WBP11: variants seen among roughly 807,000 people sequenced by gnomAD.
The protein encoded by WBP11 is WW domain-binding protein 11.
In WBP11, 12 loss-of-function variants were observed where a neutral mutation model predicts 66.7. The observed-to-expected ratio is 0.18, with a 90% confidence interval of 0.12 to 0.29. The LOEUF (loss-of-function observed/expected upper bound fraction) is 0.29, where lower values mean the gene tolerates loss of function less well. WBP11 is among the 10% of genes least tolerant of loss of function. The pLI is 1.00. For synonymous variants in WBP11, 255 were observed against 273.8 expected (o/e 0.93, Z 0.68); for missense variants, 555 against 818.3 (o/e 0.68, Z 3.93).
At chr12:14,801,714 G>T (rs1949965868) in intron 1 of WBP11, among the ~76,000 whole-genome samples, 1 of 152,170 alleles carries the variant, frequency 6.6e-6, no homozygotes, top group Non-Finnish European at 1.5e-5. Flanking sequence ...CACTGACTTT[G>T]TCAACTGATA....
In WBP11 at chr12:14,794,645, C is replaced by G; in HGVS notation, c.613G>C (p.Gly205Arg). ...PGRKPPGPPPGPPPPQVVQMY... is the reference protein window; with the variant it reads ...PGRKPPGPPPRPPPPQVVQMY... ...TGCACGACTTGAGGAGGAGGTGGAC[C>G]AGGGGGAGGGCCAGGAGGTTTTCTG... The change falls in exon 7 of 12, where the codon GGT (glycine) becomes CGT (arginine). Residue 205 changes from glycine to arginine, a missense_variant. Physicochemically the swap from Gly to Arg is moderately radical, Grantham distance 125 (BLOSUM62 -2). Transcript: ENST00000261167. The G allele has an allele frequency of 6.2e-7, 1 of 1,613,566 alleles. No homozygotes were observed. Among genetic ancestry groups the G allele is most frequent in the South Asian group, 1.1e-5 (1 of 91,058 alleles).
Position 14,792,083 on chromosome 12 carries a change from A to G in WBP11, c.914-813T>C, listed in dbSNP as rs374457870. On this transcript the variant is annotated intron_variant, in intron 8 of 11. Transcript: ENST00000261167. ...CATCAAAATCTCAGAAATCACCATT[A>G]AAGAACTCATCCATGTAACCAAACA... Among the ~76,000 whole-genome samples the G allele has an allele frequency of 2.6e-5, 4 of 152,264 alleles. No individual in the cohort carries two copies. The East Asian group carries it at 5.8e-4, about 22-fold the overall frequency.
At chr12:14,791,618 A>G (rs1949823001) in intron 8 of WBP11, among the ~76,000 whole-genome samples, 1 of 152,230 alleles carries the variant, frequency 6.6e-6, no homozygotes, top group Non-Finnish European at 1.5e-5. Flanking sequence ...AATGTTACCC[A>G]ACTCATGAAA....
rs1461598482 is a variant in WBP11 at position 14,786,834 on chromosome 12, G to C, written c.*231C>G. On this transcript the variant is annotated 3_prime_UTR_variant, in exon 12 of 12. Transcript: ENST00000261167. ...AGAAACAGGGTGAAAATGGTGGTATGAAAGGGAATGGATGTTAGCAGCACT... is the reference window on the plus strand; with the variant it reads ...AGAAACAGGGTGAAAATGGTGGTATCAAAGGGAATGGATGTTAGCAGCACT... 9.3e-6 allele frequency: 4 copies of C among 432,172 alleles called. No individual in the cohort carries two copies. In the South Asian group the frequency reaches 1.9e-4, roughly 20 times the overall value. 26.8% of individuals were successfully genotyped at this position (432,172 alleles called of 1,614,324 possible).
chr12:14,789,448 G>A (rs959134690), intron 10 of WBP11, among the ~76,000 whole-genome samples: 2 of 152,120 alleles, frequency 1.3e-5, no homozygotes, highest in Non-Finnish European at 2.9e-5. Flanking sequence ...AGCCGGGCAT[G>A]GTGGCAGACA....
At chr12:14,792,087 A>G (rs544383313) in intron 8 of WBP11, among the ~76,000 whole-genome samples, 1 of 152,280 alleles carries the variant, frequency 6.6e-6, no homozygotes, top group South Asian at 2.1e-4. Flanking sequence ...ACCATTAAAG[A>G]ACTCATCCAT....
intron 10 of WBP11, among the ~76,000 whole-genome samples, chr12:14,789,912 G>A (rs1286162760): frequency 6.6e-6 from 1 of 152,166 alleles, no homozygotes; most frequent in African/African-American, 2.4e-5. Flanking sequence ...TAGGATGAAG[G>A]ACTAAAATCA....
At chr12:14,797,257 A>G (rs935837830) in intron 4 of WBP11, among the ~76,000 whole-genome samples, 11 of 152,260 alleles carry the variant, frequency 7.2e-5, no homozygotes, top group Non-Finnish European at 1.6e-4. Context: ...ATAAAAATCA[A>G]TTTTCACTGC....
chr12:14,794,576 G>C lies in WBP11; in HGVS notation c.682C>G (p.Arg228Gly). ...KVGFALDLPPRRRDEDMLYSP... is the reference protein window; with the variant it reads ...KVGFALDLPPGRRDEDMLYSP... ...TATAACATGTCTTCATCTCGCCTAC[G>C]AGGGGGAAGATCTAGGGCAAAACCC... Residue 228 changes from arginine (R) to glycine (G), a missense_variant, in exon 7 of 12, where the codon CGT (arginine) becomes GGT (glycine). Arg to Gly is a moderately radical substitution (Grantham distance 125). Around this residue, in one of 6 missense-constraint regions of WBP11, gnomAD observed 220 missense variants for 268.2 expected, o/e 0.82. Transcript: ENST00000261167. 2 of 1,613,988 alleles carry C rather than the reference G, an allele frequency of 1.2e-6. No homozygotes were observed. The highest frequency in any genetic ancestry group is 1.7e-6 in the Non-Finnish European group (2 of 1,179,996).
intron 7 of WBP11, 58 bp from the exon 8 acceptor site, chr12:14,793,980 T>C: frequency 7.8e-7 from 1 of 1,286,214 alleles, no homozygotes; most frequent in Non-Finnish European, 1.0e-6. Context: ...CACTACATGG[T>C]ACCCAGAAAT....
intron 8 of WBP11, 71 bp downstream of exon 8, chr12:14,793,660 T>A: frequency 6.6e-7 from 1 of 1,510,902 alleles, no homozygotes; most frequent in Non-Finnish European, 9.0e-7. Flanking sequence ...CACAGATTCA[T>A]TAATAAATTA....
chr12:14,800,265 T>G (rs919302989), intron 3 of WBP11, among the ~76,000 whole-genome samples: 1 of 152,070 alleles, frequency 6.6e-6, no homozygotes, highest in Admixed American at 6.6e-5. Context: ...TCTTTTGAAG[T>G]ACTTTGCCAC....
intron 11 of WBP11, among the ~76,000 whole-genome samples, chr12:14,788,665 G>GT (rs1949785067): frequency 1.3e-5 from 2 of 152,198 alleles, no homozygotes; most frequent in Non-Finnish European, 2.9e-5. Context: ...CTTTAAGTTG[G>GT]TACTCATGCA....
intron 2 of WBP11, chr12:14,801,024 A>G (rs1371105619): frequency 6.3e-6 from 3 of 475,656 alleles, no homozygotes; most frequent in Non-Finnish European, 1.1e-5. Context: ...AAGGAAAAAC[A>G]TAACATAAAA....
Position 14,787,376 on chromosome 12 carries a change from T to C in WBP11, c.1615A>G (p.Asn539Asp), listed in dbSNP as rs1322580061. 1 of 1,602,612 alleles carries C rather than the reference T, an allele frequency of 6.2e-7. No homozygotes were observed. The highest frequency in any genetic ancestry group is 8.5e-7 in the Non-Finnish European group (1 of 1,172,226). Residue 539 changes from asparagine (N) to aspartate (D), a missense_variant, in exon 12 of 12, where the codon AAC (asparagine) becomes GAC (aspartate). This residue lies in a region of WBP11 where 230 missense variants were observed against 286.3 expected (regional missense o/e 0.80). Transcript: ENST00000261167. ...TCCGCCTTGGGTCGCTGAATCAAGT[T>C]GGGTGGGGCACTTAAAACCCCAGGG... ...PNPGVLSAPP[N>D]LIQRPKADDT...
At chr12:14,790,853 T>G (rs1394525953) in intron 9 of WBP11, 104 bp from the exon 10 acceptor site, 5 of 1,153,672 alleles carry the variant, frequency 4.3e-6, no homozygotes, top group African/African-American at 1.6e-5. Context: ...GTTCTCAAAA[T>G]TAAAAACCAA....
chr12:14,801,077 A>G (rs1949956722), intron 2 of WBP11: 2 of 462,460 alleles, frequency 4.3e-6, no homozygotes, highest in Non-Finnish European at 7.5e-6. Context: ...CAAAATTTCC[A>G]ATATAAAAAG....
chr12:14,789,454 A>G (rs1949795930), intron 10 of WBP11, among the ~76,000 whole-genome samples: 2 of 152,002 alleles, frequency 1.3e-5, no homozygotes, highest in Admixed American at 6.6e-5. Flanking sequence ...GCATGGTGGC[A>G]GACACCTGTA....
intron 11 of WBP11, 63 bp from the exon 12 acceptor site, chr12:14,787,561 G>T: frequency 7.3e-7 from 1 of 1,364,412 alleles, no homozygotes; most frequent in Non-Finnish European, 9.6e-7. Context: ...CTACTATTAA[G>T]GACATTTAAA....
Sources: allele counts gnomAD v4.1 joint callset (sites outside exome capture counted in the v4.1 genomes callset), GRCh38; gene constraint gnomAD v4.1.1; regional missense constraint gnomAD v4.1.1; transcripts MANE v1.5; gene names NCBI Gene and HGNC (gene_info 2026-07-23, HGNC 2026-07-21).